PPARGC1A: variants seen among roughly 807,000 people sequenced by gnomAD.
PPARGC1A encodes the protein peroxisome proliferator-activated receptor gamma coactivator 1-alpha.
PPARGC1A carries 25 observed loss-of-function variants against 88.7 expected under a neutral mutation model. The observed-to-expected ratio is 0.28, with a 90% CI of 0.21 to 0.39. PPARGC1A has a LOEUF of 0.39. PPARGC1A is among the 10% of genes least tolerant of loss of function. The pLI is 1.00. For missense variants in PPARGC1A, 880 were observed against 968.7 expected (o/e 0.91, Z 1.22); for synonymous variants, 363 against 355.6 (o/e 1.02, Z -0.24).
At chr4:24,065,278 C>A in the PPARGC1A span, among the ~76,000 whole-genome samples, 1 of 152,064 alleles carries the variant, frequency 6.6e-6, no homozygotes, top group Non-Finnish European at 1.5e-5. Flanking sequence ...TAGGTGAGTC[C>A]ATTTAATTCT....
chr4:24,175,540 T>A, the PPARGC1A span, among the ~76,000 whole-genome samples: 2 of 138,306 alleles, frequency 1.4e-5, no homozygotes, highest in East Asian at 4.2e-4. Context: ...ACACCAAGCT[T>A]TTTTTTTTTT....
the PPARGC1A span, among the ~76,000 whole-genome samples, chr4:23,988,971 A>T: frequency 6.8e-6 from 1 of 147,508 alleles, no homozygotes; most frequent in African/African-American, 2.5e-5. Flanking sequence ...TGTAATATAT[A>T]CTATACATAT....
At chr4:24,464,693 G>A in the PPARGC1A span, among the ~76,000 whole-genome samples, 1 of 152,280 alleles carries the variant, frequency 6.6e-6, no homozygotes, top group South Asian at 2.1e-4. Context: ...TAGAAGACGT[G>A]CTCACAAAGC....
the PPARGC1A span, among the ~76,000 whole-genome samples, chr4:24,041,452 G>T: frequency 1.3e-4 from 20 of 151,528 alleles, no homozygotes; most frequent in Non-Finnish European, 2.7e-4. Flanking sequence ...TCCCACTGTT[G>T]CTAGCCCTAG....
At chr4:24,189,466 T>C in the PPARGC1A span, among the ~76,000 whole-genome samples, 1 of 152,114 alleles carries the variant, frequency 6.6e-6, no homozygotes, top group African/African-American at 2.4e-5. Flanking sequence ...CTGTAAGTGC[T>C]GTAGCTCGCC....
the PPARGC1A span, among the ~76,000 whole-genome samples, chr4:24,067,736 T>C: frequency 6.6e-6 from 1 of 152,200 alleles, no homozygotes. Context: ...GCAACTCTGC[T>C]CTGGAGAACA....
At chr4:24,382,119 C>T in the PPARGC1A span, among the ~76,000 whole-genome samples, 3 of 151,756 alleles carry the variant, frequency 2.0e-5, no homozygotes, top group South Asian at 2.1e-4. Flanking sequence ...AATATTCAGT[C>T]GGACATTATA....
At chr4:23,927,997 C>T in the PPARGC1A span, among the ~76,000 whole-genome samples, 1 of 152,060 alleles carries the variant, frequency 6.6e-6, no homozygotes, top group African/African-American at 2.4e-5. Flanking sequence ...AAAGCAGGAG[C>T]CACACTGACA....
At chr4:23,897,425 G>A (rs955016807) in intron 1 of PPARGC1A, among the ~76,000 whole-genome samples, 7 of 152,114 alleles carry the variant, frequency 4.6e-5, no homozygotes, top group Admixed American at 3.3e-4. Flanking sequence ...TTGACTTTGG[G>A]TGATTCATGT....
At chr4:24,268,562 T>C in the PPARGC1A span, among the ~76,000 whole-genome samples, 1 of 152,196 alleles carries the variant, frequency 6.6e-6, no homozygotes, top group East Asian at 1.9e-4. Flanking sequence ...ACAAATTTGT[T>C]TAAAGCGTTT....
At chr4:24,128,525 T>C in the PPARGC1A span, among the ~76,000 whole-genome samples, 19 of 138,720 alleles carry the variant, frequency 1.4e-4, no homozygotes, top group East Asian at 4.1e-3. Flanking sequence ...CATTCCAGCC[T>C]GTCACAGTGT....
chr4:24,408,620 G>A, the PPARGC1A span, among the ~76,000 whole-genome samples: 1 of 152,164 alleles, frequency 6.6e-6, no homozygotes, highest in Non-Finnish European at 1.5e-5. Context: ...TTGGGACCCA[G>A]CAGCCATGCT....
chr4:24,229,364 G>T, the PPARGC1A span, among the ~76,000 whole-genome samples: 4 of 149,638 alleles, frequency 2.7e-5, 1 homozygote, highest in African/African-American at 9.8e-5. Context: ...GGCCAGGCTG[G>T]TCTCGAACTT....
chr4:24,051,303 C>A, the PPARGC1A span, among the ~76,000 whole-genome samples: 4 of 151,668 alleles, frequency 2.6e-5, no homozygotes, highest in African/African-American at 9.7e-5. Context: ...CTCTTGCCCC[C>A]TGGAAAAAGG....
At chr4:23,988,945 TA>T in the PPARGC1A span, among the ~76,000 whole-genome samples, 2 of 147,476 alleles carry the variant, frequency 1.4e-5, no homozygotes, top group African/African-American at 2.5e-5. Context: ...ATATAATATA[TA>T]AAATATATAC....
the PPARGC1A span, among the ~76,000 whole-genome samples, chr4:24,458,893 A>T: frequency 7.2e-5 from 11 of 152,356 alleles, no homozygotes; most frequent in East Asian, 1.2e-3. Flanking sequence ...ATGTGATACC[A>T]ACTTAAATAT....
chr4:24,318,202 T>A, the PPARGC1A span, among the ~76,000 whole-genome samples: 20 of 152,348 alleles, frequency 1.3e-4, no homozygotes, highest in East Asian at 3.5e-3. Context: ...CCACTTGGTA[T>A]AGTGACGAAA....
chr4:24,008,404 A>G, the PPARGC1A span, among the ~76,000 whole-genome samples: 4 of 152,240 alleles, frequency 2.6e-5, no homozygotes, highest in Non-Finnish European at 5.9e-5. Flanking sequence ...ACTGGTTGGG[A>G]TATATCTATT....
At chr4:24,458,299 AG>A in the PPARGC1A span, among the ~76,000 whole-genome samples, 1 of 152,166 alleles carries the variant, frequency 6.6e-6, no homozygotes, top group East Asian at 1.9e-4. Flanking sequence ...CAGGAGTTTA[AG>A]AGCAGCCTGG....
Sources: gnomAD v4.1 joint callset for allele counts (sites outside exome capture counted in the v4.1 genomes callset) on GRCh38, gnomAD v4.1.1 for gene constraint, MANE v1.5 for transcripts, NCBI Gene and HGNC (gene_info 2026-07-23, HGNC 2026-07-21) for gene names.